The following COPG2 variants were observed in gnomAD, a reference collection of about 807,000 sequenced individuals.
The protein encoded by COPG2 is coat protein complex I subunit gamma 2.
Under a neutral mutation model 46.3 loss-of-function variants are expected in COPG2, and 37 were observed. The ratio of observed to expected loss-of-function variants is 0.80; its 90% confidence interval spans 0.61 to 1.05. The LOEUF (loss-of-function observed/expected upper bound fraction) is 1.05, where lower values mean the gene tolerates loss of function less well. Ranked by LOEUF, COPG2 falls within the 50% of genes least tolerant of loss-of-function variation. COPG2 has a pLI of 0.00. For missense variants in COPG2, 427 were observed against 387.8 expected (o/e 1.10, Z -0.85); for synonymous variants, 159 against 129.7 (o/e 1.23, Z -1.53).
chr7:130,643,205 G>C (rs1435354127), intron 5 of COPG2, among the ~76,000 whole-genome samples: 2 of 151,904 alleles, frequency 1.3e-5, no homozygotes, highest in Non-Finnish European at 2.9e-5. Flanking sequence ...TGAGGCAGTA[G>C]GATGGCATGA....
intron 5 of COPG2, among the ~76,000 whole-genome samples, chr7:130,651,494 ATTTTTTTTTTTTTTTTTTTT>A (rs59572019): frequency 7.0e-5 from 4 of 57,242 alleles, no homozygotes; most frequent in African/African-American, 2.1e-4. Flanking sequence ...ATTTTTTTGT[ATTTTTTTTTTTTTTTTTTTT>A]TTTTTTTTTT....
intron 5 of COPG2, among the ~76,000 whole-genome samples, chr7:130,637,173 A>G (rs1554456423): frequency 6.6e-6 from 1 of 151,966 alleles, no homozygotes; most frequent in Non-Finnish European, 1.5e-5. Flanking sequence ...CTTCATTTCA[A>G]CGTTGGTGAA....
intron 4 of COPG2, among the ~76,000 whole-genome samples, chr7:130,655,717 C>A (rs930784860): frequency 6.6e-6 from 1 of 152,160 alleles, no homozygotes; most frequent in Admixed American, 6.5e-5. Flanking sequence ...GGGCCATGAT[C>A]TAGTACAATC....
chr7:130,658,494 C>T (rs1554460173), intron 4 of COPG2, among the ~76,000 whole-genome samples: 1 of 151,880 alleles, frequency 6.6e-6, no homozygotes, highest in African/African-American at 2.4e-5. Flanking sequence ...TTTGTCAAAG[C>T]TCATAGAATG....
chr7:130,516,434 G>GA (rs1287409216), intron 20 of COPG2, among the ~76,000 whole-genome samples: 1 of 152,138 alleles, frequency 6.6e-6, no homozygotes, highest in Non-Finnish European at 1.5e-5. Context: ...GGGAAATCTG[G>GA]AAAAATGTTC....
intron 5 of COPG2, among the ~76,000 whole-genome samples, chr7:130,624,508 C>T (rs1387622104): frequency 6.6e-6 from 1 of 151,908 alleles, no homozygotes; most frequent in Non-Finnish European, 1.5e-5. Context: ...GATTTTAGTG[C>T]ACCCATCACC....
intron 20 of COPG2, among the ~76,000 whole-genome samples, chr7:130,513,734 G>GT (rs1450334261): frequency 6.6e-6 from 1 of 152,156 alleles, no homozygotes; most frequent in Non-Finnish European, 1.5e-5. Context: ...AAGTGCAAGT[G>GT]TTTTCAGAGT....
intron 5 of COPG2, among the ~76,000 whole-genome samples, chr7:130,629,415 G>A (rs1205122024): frequency 7.3e-6 from 1 of 136,550 alleles, no homozygotes; most frequent in Non-Finnish European, 1.6e-5. Context: ...TTTTTTTTGA[G>A]ACAGAGTTTC....
At chr7:130,577,430 C>A (rs1439522408) in intron 9 of COPG2, among the ~76,000 whole-genome samples, 3 of 152,184 alleles carry the variant, frequency 2.0e-5, no homozygotes, top group African/African-American at 7.2e-5. Flanking sequence ...AAAATCGGGT[C>A]ACTCCCACCC....
intron 20 of COPG2, among the ~76,000 whole-genome samples, chr7:130,520,770 G>A (rs1799717480): frequency 6.6e-6 from 1 of 152,016 alleles, no homozygotes; most frequent in African/African-American, 2.4e-5. Flanking sequence ...AAAACTTCTT[G>A]TTTTTATATT....
chr7:130,574,059 A>G (rs1437945805), intron 9 of COPG2, among the ~76,000 whole-genome samples: 3 of 152,232 alleles, frequency 2.0e-5, no homozygotes, highest in Non-Finnish European at 2.9e-5. Flanking sequence ...TCAGAGCCAC[A>G]TTATTCATAA....
At chr7:130,521,438 A>G (rs1021830339) in intron 20 of COPG2, among the ~76,000 whole-genome samples, 118,626 of 151,528 alleles carry the variant, frequency 0.78, 46,846 homozygotes, top group Non-Finnish European at 0.85. Context: ...AGCAGTGAAT[A>G]GCAAACAGAA....
chr7:130,585,651 C>T (rs1794251672), intron 9 of COPG2, among the ~76,000 whole-genome samples: 1 of 151,926 alleles, frequency 6.6e-6, no homozygotes, highest in Admixed American at 6.6e-5. Flanking sequence ...AAAAAGTGGG[C>T]TAAGGAACTG....
At chr7:130,577,787 AAC>A (rs1794038037) in intron 9 of COPG2, among the ~76,000 whole-genome samples, 9 of 150,656 alleles carry the variant, frequency 6.0e-5, no homozygotes, top group East Asian at 3.9e-4. Context: ...AAAAAAAAAA[AAC>A]AAAAAAAAAA....
chr7:130,608,907 C>T (rs1360438778), intron 9 of COPG2, among the ~76,000 whole-genome samples: 1 of 152,024 alleles, frequency 6.6e-6, no homozygotes, highest in Non-Finnish European at 1.5e-5. Flanking sequence ...CTCACTCTGT[C>T]ACCCGGGTTG....
At chr7:130,641,839 C>A (rs1452979417) in intron 5 of COPG2, among the ~76,000 whole-genome samples, 1 of 152,178 alleles carries the variant, frequency 6.6e-6, no homozygotes, top group Non-Finnish European at 1.5e-5. Flanking sequence ...TATCTTTCTC[C>A]CCCTACCCGA....
chr7:130,650,068 C>T (rs1263938637), intron 5 of COPG2, among the ~76,000 whole-genome samples: 1 of 152,196 alleles, frequency 6.6e-6, no homozygotes, highest in East Asian at 1.9e-4. Flanking sequence ...GAGGTTACCA[C>T]ATTCCTTGAC....
At chr7:130,637,768 T>C (rs1771565836) in intron 5 of COPG2, among the ~76,000 whole-genome samples, 1 of 152,204 alleles carries the variant, frequency 6.6e-6, no homozygotes, top group Non-Finnish European at 1.5e-5. Flanking sequence ...GTTCCCTTGT[T>C]GGCAAGGAGT....
At chr7:130,661,848 G>A (rs1273385972) in intron 4 of COPG2, among the ~76,000 whole-genome samples, 1 of 152,178 alleles carries the variant, frequency 6.6e-6, no homozygotes, top group African/African-American at 2.4e-5. Flanking sequence ...TCAAATCTGG[G>A]TAAGGGGGCC....
Sources: allele counts gnomAD v4.1 joint callset (sites outside exome capture counted in the v4.1 genomes callset), GRCh38; gene constraint gnomAD v4.1.1; transcripts MANE v1.5; gene names NCBI Gene and HGNC (gene_info 2026-07-23, HGNC 2026-07-21).